The following ARK2C variants were observed in gnomAD, a reference collection of about 807,000 sequenced individuals.
The protein encoded by ARK2C is arkadia (RNF111) C-terminal like ring finger ubiquitin ligase 2C.
At chr18:46,380,522 C>T in the ARK2C span, among the ~76,000 whole-genome samples, 1 of 152,224 alleles carries the variant, frequency 6.6e-6, no homozygotes, top group Non-Finnish European at 1.5e-5. Flanking sequence ...AGGGCTCTAC[C>T]TGTGTGAACT....
the ARK2C span, among the ~76,000 whole-genome samples, chr18:46,418,759 A>G: frequency 6.6e-6 from 1 of 152,218 alleles, no homozygotes; most frequent in Non-Finnish European, 1.5e-5. Flanking sequence ...CCCAGAAAAG[A>G]GCTATCAACT....
chr18:46,448,121 T>C, the ARK2C span, among the ~76,000 whole-genome samples: 1 of 144,192 alleles, frequency 6.9e-6, no homozygotes, highest in Non-Finnish European at 1.5e-5. Flanking sequence ...CCGGATTCCA[T>C]ATGACCTGGC....
chr18:46,338,527 T>G, the ARK2C span, among the ~76,000 whole-genome samples: 1 of 152,056 alleles, frequency 6.6e-6, no homozygotes, highest in African/African-American at 2.4e-5. Flanking sequence ...TAAGTGTGTG[T>G]GTTGAGGTGG....
the ARK2C span, among the ~76,000 whole-genome samples, chr18:46,391,173 T>TA: frequency 6.6e-6 from 1 of 152,258 alleles, no homozygotes; most frequent in South Asian, 2.1e-4. Context: ...ATTCATCACT[T>TA]ACAGTTTACA....
the ARK2C span, among the ~76,000 whole-genome samples, chr18:46,420,112 T>G: frequency 3.3e-5 from 5 of 151,946 alleles, no homozygotes; most frequent in East Asian, 7.7e-4. Flanking sequence ...CGTGTGGAGG[T>G]CAACTCCCAT....
chr18:46,406,298 G>A, the ARK2C span, among the ~76,000 whole-genome samples: 19 of 152,340 alleles, frequency 1.2e-4, no homozygotes, highest in East Asian at 2.9e-3. Flanking sequence ...CCGGGCAGGC[G>A]TGGGAGCTGC....
the ARK2C span, among the ~76,000 whole-genome samples, chr18:46,419,791 G>T: frequency 2.0e-5 from 3 of 152,250 alleles, no homozygotes; most frequent in South Asian, 6.2e-4. Context: ...GGATCTGGCA[G>T]CTCCAAGAAG....
chr18:46,399,864 A>T, the ARK2C span, among the ~76,000 whole-genome samples: 1 of 152,082 alleles, frequency 6.6e-6, no homozygotes, highest in Non-Finnish European at 1.5e-5. Context: ...TTTCTCTCTA[A>T]TTCCCTGAGG....
the ARK2C span, among the ~76,000 whole-genome samples, chr18:46,358,545 A>G: frequency 4.2e-4 from 64 of 152,248 alleles, no homozygotes; most frequent in African/African-American, 1.5e-3. Flanking sequence ...GAGTGGCCTC[A>G]GCCTCCCTCT....
the ARK2C span, among the ~76,000 whole-genome samples, chr18:46,384,690 C>T: frequency 6.6e-6 from 1 of 152,142 alleles, no homozygotes; most frequent in African/African-American, 2.4e-5. Context: ...GGACCATGGC[C>T]AACCCATTCT....
At chr18:46,367,439 CCTT>C in the ARK2C span, among the ~76,000 whole-genome samples, 1 of 152,122 alleles carries the variant, frequency 6.6e-6, no homozygotes, top group Non-Finnish European at 1.5e-5. Flanking sequence ...GAAGCCGTCT[CCTT>C]CTTGGAAAAG....
the ARK2C span, among the ~76,000 whole-genome samples, chr18:46,395,464 T>G: frequency 6.6e-6 from 1 of 152,246 alleles, no homozygotes; most frequent in Non-Finnish European, 1.5e-5. Context: ...GAACTACTTC[T>G]GTGCATATAT....
chr18:46,459,230 C>T, the ARK2C span: 1 of 152,296 alleles, frequency 6.6e-6, no homozygotes, highest in East Asian at 1.9e-4. Flanking sequence ...TCCCAGGTTC[C>T]AGTCTGGGCT....
chr18:46,438,653 G>A, the ARK2C span, among the ~76,000 whole-genome samples: 1 of 152,196 alleles, frequency 6.6e-6, no homozygotes, highest in African/African-American at 2.4e-5. Context: ...GACAGCCAAG[G>A]TCCATGAATA....
the ARK2C span, among the ~76,000 whole-genome samples, chr18:46,411,627 G>A: frequency 6.6e-6 from 1 of 152,180 alleles, no homozygotes; most frequent in South Asian, 2.1e-4. Flanking sequence ...CAGCTGTGAC[G>A]AGAGCCCATC....
the ARK2C span, among the ~76,000 whole-genome samples, chr18:46,417,180 C>T: frequency 1.3e-5 from 2 of 152,256 alleles, no homozygotes; most frequent in African/African-American, 4.8e-5. Context: ...CACCTTCCCC[C>T]GATTGCCACC....
the ARK2C span, among the ~76,000 whole-genome samples, chr18:46,397,032 G>C: frequency 6.6e-6 from 1 of 152,238 alleles, no homozygotes; most frequent in African/African-American, 2.4e-5. Flanking sequence ...GCGTGGCCCA[G>C]ATTCTTAGAA....
At chr18:46,352,506 G>C in the ARK2C span, among the ~76,000 whole-genome samples, 4,735 of 152,238 alleles carry the variant, frequency 0.031, 237 homozygotes, top group African/African-American at 0.11. Flanking sequence ...GTGGCTTAAA[G>C]GGATAGCAAC....
chr18:46,435,998 G>T, the ARK2C span, among the ~76,000 whole-genome samples: 1 of 152,200 alleles, frequency 6.6e-6, no homozygotes, highest in Non-Finnish European at 1.5e-5. Flanking sequence ...TGAGCAATCT[G>T]CCCATAATTT....
Sources: gnomAD v4.1 joint callset for allele counts (sites outside exome capture counted in the v4.1 genomes callset) on GRCh38, gnomAD v4.1.1 for gene constraint, MANE v1.5 for transcripts, NCBI Gene and HGNC (gene_info 2026-07-23, HGNC 2026-07-21) for gene names.